Variants in ARHGEF10 observed in about 807,000 individuals in gnomAD.
ARHGEF10 encodes the protein Rho guanine nucleotide exchange factor (GEF) 10.
ARHGEF10 carries 140 observed loss-of-function variants against 147.4 expected under a neutral mutation model. The ratio of observed to expected loss-of-function variants is 0.95; its 90% CI spans 0.83 to 1.09. The LOEUF is 1.09. Among genes scored for constraint, ARHGEF10 ranks in the 50% least tolerant of loss-of-function variants. ARHGEF10 has a pLI of 0.00. For missense variants in ARHGEF10, 2,222 were observed against 1,752.7 expected (o/e 1.27, Z -4.78); for synonymous variants, 902 against 695.8 (o/e 1.30, Z -4.67).
chr8:1,826,399 TTTGTGTGTGTGCTGTG>T (rs1802772752), intron 1 of ARHGEF10, among the ~76,000 whole-genome samples: 3 of 128,822 alleles, frequency 2.3e-5, no homozygotes, highest in African/African-American at 9.1e-5. Context: ...TGTGCGTGTG[TTTGTGTGTGTGCTGTG>T]TGTGTGTGCG....
chr8:1,893,210 T>G (rs1343740483), intron 11 of ARHGEF10, among the ~76,000 whole-genome samples: 1 of 151,996 alleles, frequency 6.6e-6, no homozygotes, highest in Non-Finnish European at 1.5e-5. Flanking sequence ...AGACTGGAAC[T>G]ATTTTTTATC....
chr8:1,866,486 G>A, intron 5 of ARHGEF10, 40 bp from the exon 6 acceptor site: 1 of 1,601,920 alleles, frequency 6.2e-7, no homozygotes. Flanking sequence ...GACTTGGGCT[G>A]TGCCTGGATA....
At chr8:1,848,168 T>C (rs1481031988) in intron 2 of ARHGEF10, among the ~76,000 whole-genome samples, 4 of 152,256 alleles carry the variant, frequency 2.6e-5, no homozygotes, top group South Asian at 4.1e-4. Flanking sequence ...TTTTGCATCG[T>C]GCATATTGTA....
intron 2 of ARHGEF10, among the ~76,000 whole-genome samples, chr8:1,847,661 C>G (rs1161124880): frequency 6.6e-6 from 1 of 152,180 alleles, no homozygotes; most frequent in Non-Finnish European, 1.5e-5. Flanking sequence ...CAAGCAGCTA[C>G]AAACCGCAGT....
At chr8:1,933,775 A>T (rs77981715) in intron 25 of ARHGEF10, 25 bp from the exon 26 acceptor site, 3 of 1,614,140 alleles carry the variant, frequency 1.9e-6, no homozygotes, top group South Asian at 2.2e-5. Context: ...CTGAACTTGA[A>T]TGAAATGAAA....
intron 2 of ARHGEF10, among the ~76,000 whole-genome samples, chr8:1,851,120 G>C (rs1417894464): frequency 1.3e-5 from 2 of 152,050 alleles, no homozygotes; most frequent in African/African-American, 2.4e-5. Flanking sequence ...TTACACGCCT[G>C]TCCAAACCCA....
intron 1 of ARHGEF10, chr8:1,826,223 A>T: frequency 8.3e-7 from 1 of 1,208,008 alleles, no homozygotes; most frequent in South Asian, 1.3e-5. Flanking sequence ...GTTATTCAGA[A>T]TAGCTTTTTA....
chr8:1,850,287 CGCGTGG>C (rs1805010513), intron 2 of ARHGEF10, among the ~76,000 whole-genome samples: 2 of 92,412 alleles, frequency 2.2e-5, no homozygotes, highest in Admixed American at 1.0e-4. Flanking sequence ...GTGGGGCGGC[CGCGTGG>C]GCATGGACGG....
chr8:1,903,540 G>C (rs746186260), intron 16 of ARHGEF10, 89 bp downstream of exon 16: 84 of 1,536,670 alleles, frequency 5.5e-5, no homozygotes, highest in South Asian at 2.3e-4. Context: ...TAATCTTTTG[G>C]ATCGTTTGGA....
chr8:1,933,129 A>C (rs1293352223), intron 25 of ARHGEF10, among the ~76,000 whole-genome samples: 2 of 152,212 alleles, frequency 1.3e-5, no homozygotes, highest in African/African-American at 4.8e-5. Context: ...ATATTTCACG[A>C]CTGTCTAGGC....
At chr8:1,903,825 G>A in intron 16 of ARHGEF10, 1 of 317,878 alleles carries the variant, frequency 3.1e-6, no homozygotes, top group Admixed American at 4.8e-5. Context: ...TAGGCACAGT[G>A]GCTCACACCT....
At chr8:1,832,004 T>A (rs1803140023) in intron 1 of ARHGEF10, among the ~76,000 whole-genome samples, 1 of 152,106 alleles carries the variant, frequency 6.6e-6, no homozygotes, top group Non-Finnish European at 1.5e-5. Context: ...GTGTGGCCGC[T>A]GGGGACTGGG....
chr8:1,901,060 T>G (rs566081529), intron 15 of ARHGEF10, among the ~76,000 whole-genome samples: 2 of 152,270 alleles, frequency 1.3e-5, no homozygotes, highest in South Asian at 4.2e-4. Context: ...CCACGTACTT[T>G]GGAAGAGGCA....
intron 1 of ARHGEF10, among the ~76,000 whole-genome samples, chr8:1,825,523 G>A (rs1802721363): frequency 7.0e-6 from 1 of 143,816 alleles, no homozygotes; most frequent in African/African-American, 2.6e-5. Flanking sequence ...CTGTTCCCCT[G>A]CACCCCACAG....
At chr8:1,919,200 TGGGTGATGGAGCTGCTCC>T (rs1812009607) in intron 18 of ARHGEF10, among the ~76,000 whole-genome samples, 1 of 138,442 alleles carries the variant, frequency 7.2e-6, no homozygotes, top group African/African-American at 3.0e-5. Flanking sequence ...AGCTGTTCCG[TGGGTGATGGAGCTGCTCC>T]GTGGGTGATG....
chr8:1,940,882 A>G (rs1814035009), intron 26 of ARHGEF10, among the ~76,000 whole-genome samples: 1 of 152,252 alleles, frequency 6.6e-6, no homozygotes, highest in South Asian at 2.1e-4. Flanking sequence ...CCACATGATC[A>G]TCTCAATTGA....
rs112103788 is a variant in ARHGEF10, at chr8:1,945,494, C to T, written c.3236C>T (p.Ala1079Val). Reference sequence around the variant, plus strand: ...TCGATTTCACAGGGTCAGCTGGAGGCCCACCAGGAGGAAGGCATGGTGATC... The same window carrying T: ...TCGATTTCACAGGGTCAGCTGGAGGTCCACCAGGAGGAAGGCATGGTGATC... ...ETHAVEGQLE[A>V]HQEEGMVISH... The change falls in exon 27 of 29, where the codon GCC becomes GTC. Residue 1079 changes from alanine (A) to valine (V), a missense_variant. By Grantham distance (64) the Ala-to-Val change is moderately conservative. Coordinates refer to ENST00000349830, the MANE Select transcript of ARHGEF10 (RefSeq NM_014629.4). 6.2e-7 allele frequency: 1 copy of T among 1,603,250 alleles called. No homozygotes were observed. The highest frequency in any genetic ancestry group is 8.5e-7 in the Non-Finnish European group (1 of 1,174,852).
At chr8:1,902,816 A>C (rs554453717) in intron 15 of ARHGEF10, among the ~76,000 whole-genome samples, 1 of 152,172 alleles carries the variant, frequency 6.6e-6, no homozygotes, top group Non-Finnish European at 1.5e-5. Context: ...ACTGTGAGAG[A>C]GACTCGATCC....
intron 2 of ARHGEF10, among the ~76,000 whole-genome samples, chr8:1,856,322 G>A (rs183427943): frequency 4.6e-5 from 7 of 152,310 alleles, no homozygotes; most frequent in Admixed American, 4.6e-4. Flanking sequence ...AGCTCGTGGG[G>A]TCCCCAGGTG....
Sources: allele counts gnomAD v4.1 joint callset (sites outside exome capture counted in the v4.1 genomes callset), GRCh38; gene constraint gnomAD v4.1.1; transcripts MANE v1.5; gene names NCBI Gene and HGNC (gene_info 2026-07-23, HGNC 2026-07-21).